TNS3: variants seen among roughly 807,000 people sequenced by gnomAD.
The protein encoded by TNS3 is tensin 3, also known as tensin-3.
TNS3 carries 45 observed loss-of-function variants against 140.9 expected under a neutral mutation model. The observed-to-expected ratio is 0.32, with a 90% CI of 0.25 to 0.41. TNS3 has a LOEUF of 0.41. TNS3 is among the 10% of genes least tolerant of loss of function. The pLI, the probability that TNS3 is intolerant of heterozygous loss-of-function variation, is 1.00. For missense variants in TNS3, 1,716 were observed against 1,906.7 expected (o/e 0.90, Z 1.86); for synonymous variants, 815 against 788.4 (o/e 1.03, Z -0.56).
chr7:47,448,585 T>C (rs765482615), intron 4 of TNS3, among the ~76,000 whole-genome samples: 13 of 151,060 alleles, frequency 8.6e-5, no homozygotes, highest in Non-Finnish European at 1.5e-4. Context: ...GTTCAAGCGA[T>C]TGTCCTGCTT....
At chr7:47,326,260 C>T (rs933203513) in intron 20 of TNS3, among the ~76,000 whole-genome samples, 5 of 152,180 alleles carry the variant, frequency 3.3e-5, no homozygotes, top group Non-Finnish European at 7.3e-5. Context: ...AACATTTCCA[C>T]ATGCAAATCA....
intron 3 of TNS3, among the ~76,000 whole-genome samples, chr7:47,505,306 C>CGAGA (rs1798373390): frequency 6.6e-6 from 1 of 152,244 alleles, no homozygotes; most frequent in African/African-American, 2.4e-5. Context: ...TGCTCCCACA[C>CGAGA]CACTGAAGGT....
intron 4 of TNS3, among the ~76,000 whole-genome samples, chr7:47,476,821 T>C (rs368834826): frequency 5.9e-5 from 9 of 152,338 alleles, no homozygotes; most frequent in African/African-American, 1.9e-4. Flanking sequence ...ATATGCCAAG[T>C]TGACATTCAC....
intron 3 of TNS3, among the ~76,000 whole-genome samples, chr7:47,503,953 G>A (rs73695365): frequency 5.9e-5 from 9 of 152,104 alleles, no homozygotes; most frequent in Non-Finnish European, 5.9e-5. Context: ...CTCCACCCTC[G>A]CGACCTAATC....
chr7:47,277,920 T>C lies in TNS3; in HGVS notation c.*156A>G, dbSNP rs1292138583. 3 of 841,900 alleles carry C rather than the reference T, an allele frequency of 3.6e-6. No homozygotes were observed. In the South Asian group the frequency reaches 4.3e-5, roughly 12 times the overall value. The allele number at this position is 841,900 out of a possible 1,614,324, so 52.2% of individuals were successfully genotyped here. On this transcript the variant is annotated 3_prime_UTR_variant, in exon 31 of 31. Coordinates refer to ENST00000311160, the MANE Select transcript of TNS3 (RefSeq NM_022748.12). Reference sequence around the variant, plus strand: ...GGCCAATTCACGGTGATGTTGTTTGTTCTTGTTTTTGCAGAGCTGGAAGAT... The same window carrying C: ...GGCCAATTCACGGTGATGTTGTTTGCTCTTGTTTTTGCAGAGCTGGAAGAT...
intron 3 of TNS3, among the ~76,000 whole-genome samples, chr7:47,490,918 G>A (rs1361682039): frequency 1.3e-5 from 2 of 152,208 alleles, no homozygotes; most frequent in Admixed American, 6.5e-5. Context: ...AGTGTGTTGG[G>A]CACCAGAATG....
chr7:47,496,235 C>G (rs1798002857), intron 3 of TNS3, among the ~76,000 whole-genome samples: 1 of 152,172 alleles, frequency 6.6e-6, no homozygotes, highest in Admixed American at 6.5e-5. Flanking sequence ...AAGGACATCA[C>G]TGAACAGGAT....
In TNS3 at chr7:47,411,827, T is replaced by C. The variant is rs772570569; in HGVS notation, c.648-25A>G. 8.7e-6 allele frequency: 14 copies of C among 1,606,840 alleles called. No homozygotes were observed. The African/African-American group carries it at 1.9e-4, about 21-fold the overall frequency. ...GCTTTGGGATGAAGAAGAAGGTAGA[T>C]CATTATGCAACTTCATGATTTTGTG... On this transcript the variant is annotated intron_variant, in intron 12 of 30. Transcript: ENST00000311160.
Position 47,275,611 on chromosome 7 carries a change from G to A in TNS3, c.*2465C>T. The A allele has an allele frequency of 2.9e-6, 1 of 349,548 alleles. No homozygotes were observed. The highest frequency in any genetic ancestry group is 5.7e-6 in the Non-Finnish European group (1 of 176,384). The allele number at this position is 349,548 out of a possible 1,614,324, so 21.7% of individuals were successfully genotyped here. On this transcript the variant is annotated 3_prime_UTR_variant, in exon 31 of 31. Transcript: ENST00000311160. ...TTTCTGAGCCCACAGTACAATCTGT[G>A]ATGACACACAGCTTGTTCTGTTTAA...
rs1456247616 is a variant in TNS3, at chr7:47,277,989, G to T, written c.*87C>A. On this transcript the variant is annotated 3_prime_UTR_variant, in exon 31 of 31. Transcript: ENST00000311160. ...CCTGGAATGTCAGGTTTACTAGTTTGGTAAAAAGTGGGGGCCCCACCCTCA... is the reference window on the plus strand; with the variant it reads ...CCTGGAATGTCAGGTTTACTAGTTTTGTAAAAAGTGGGGGCCCCACCCTCA... The T allele has an allele frequency of 1.4e-6, 2 of 1,470,180 alleles. No individual in the cohort carries two copies. Among genetic ancestry groups the T allele is most frequent in the Non-Finnish European group, 1.9e-6 (2 of 1,054,434 alleles). 91.1% of individuals were successfully genotyped at this position (1,470,180 alleles called of 1,614,324 possible).
chr7:47,537,966 A>ACCCCCCCCCCCCCCCCCC (rs113842617), intron 1 of TNS3, among the ~76,000 whole-genome samples: 8 of 126,240 alleles, frequency 6.3e-5, no homozygotes, highest in South Asian at 2.9e-4. Flanking sequence ...CCCTCACCGC[A>ACCCCCCCCCCCCCCCCCC]CCCCCCCCAC....
intron 4 of TNS3, among the ~76,000 whole-genome samples, chr7:47,478,636 C>T (rs186308763): frequency 1.3e-3 from 195 of 151,700 alleles, no homozygotes; most frequent in Non-Finnish European, 2.0e-3. Flanking sequence ...GCATACAAAC[C>T]TTCATATAAA....
chr7:47,299,659 C>T (rs181821799), intron 23 of TNS3, among the ~76,000 whole-genome samples: 1 of 152,196 alleles, frequency 6.6e-6, no homozygotes, highest in Non-Finnish European at 1.5e-5. Context: ...AGGAGGGAAG[C>T]CCCAGCTGCC....
intron 20 of TNS3, among the ~76,000 whole-genome samples, chr7:47,334,668 G>C (rs576004154): frequency 6.9e-6 from 1 of 144,866 alleles, no homozygotes. Flanking sequence ...ACAGTGGTGC[G>C]ATCTCGGCTC....
At chr7:47,279,716 A>G (rs1226465337) in intron 30 of TNS3, 3 of 168,728 alleles carry the variant, frequency 1.8e-5, no homozygotes, top group Non-Finnish European at 3.8e-5. Flanking sequence ...AAAAAAAAAA[A>G]ACTCTAACAG....
At chr7:47,523,901 A>C (rs1012051443) in intron 2 of TNS3, among the ~76,000 whole-genome samples, 1 of 152,234 alleles carries the variant, frequency 6.6e-6, no homozygotes, top group African/African-American at 2.4e-5. Flanking sequence ...CTCAAGGCAG[A>C]AGAGCTTCAC....
chr7:47,343,168 A>G (rs1789115447), intron 20 of TNS3, among the ~76,000 whole-genome samples: 1 of 152,200 alleles, frequency 6.6e-6, no homozygotes, highest in African/African-American at 2.4e-5. Flanking sequence ...CCTCATCCAC[A>G]CATAGTGCAG....
intron 4 of TNS3, among the ~76,000 whole-genome samples, chr7:47,470,280 C>T (rs1796897291): frequency 6.6e-6 from 1 of 152,086 alleles, no homozygotes; most frequent in Admixed American, 6.5e-5. Flanking sequence ...TTACCTGGGT[C>T]CAACACACCT....
At chr7:47,292,682 G>T in intron 26 of TNS3, 146 bp downstream of exon 26, 1 of 610,388 alleles carries the variant, frequency 1.6e-6, no homozygotes, top group Non-Finnish European at 2.8e-6. Flanking sequence ...TGAACTCATT[G>T]GCCTTTTCTT....
Sources: allele counts gnomAD v4.1 joint callset (sites outside exome capture counted in the v4.1 genomes callset), GRCh38; gene constraint gnomAD v4.1.1; transcripts MANE v1.5; gene names NCBI Gene and HGNC (gene_info 2026-07-23, HGNC 2026-07-21).